SLC29A1: variants seen among roughly 807,000 people sequenced by gnomAD.
SLC29A1 encodes the protein equilibrative nucleoside transporter 1.
Under a neutral mutation model 48.3 loss-of-function variants are expected in SLC29A1, and 22 were observed. That is an observed-to-expected ratio of 0.46 (90% confidence interval 0.33 to 0.65). The LOEUF is 0.65. SLC29A1 is among the 30% of genes least tolerant of loss of function. The probability of loss-of-function intolerance (pLI) is 0.03; values close to 1 mark genes in which losing one functional copy is unlikely to be tolerated. For missense variants in SLC29A1, 491 were observed against 575.3 expected, an observed-to-expected ratio of 0.85 and a Z score of 1.50; for synonymous variants, 228 against 231.0, an observed-to-expected ratio of 0.99 and a Z score of 0.12.
intron 1 of SLC29A1, chr6:44,225,720 T>TGGGGCTGA (rs1273157332): frequency 6.6e-6 from 1 of 152,090 alleles, no homozygotes; most frequent in East Asian, 1.9e-4. Context: ...TCTGGAGGTG[T>TGGGGCTGA]GGGGCTGAGG....
intron 1 of SLC29A1, among the ~76,000 whole-genome samples, chr6:44,224,214 G>A (rs1776984456): frequency 6.6e-6 from 1 of 151,990 alleles, no homozygotes; most frequent in African/African-American, 2.4e-5. Flanking sequence ...CCAGGAGAGA[G>A]CAGTCGTAGG....
At position 44,232,534 on chromosome 6, in the gene SLC29A1, A is replaced by T; in HGVS notation, c.1059+106A>T. On this transcript the variant is annotated intron_variant, in intron 11 of 12. Transcript: ENST00000371755. This position sits in a 1 kb window ranked among gnomAD's most constrained non-coding sequence, Gnocchi z 4.7. ...TGGTAGTAAGGGGACCATTTGTTTTAAAGTCGAGGCATAATTTATGTATAG... is the reference window on the plus strand; with the variant it reads ...TGGTAGTAAGGGGACCATTTGTTTTTAAGTCGAGGCATAATTTATGTATAG... 1 of 775,178 alleles carries T rather than the reference A, an allele frequency of 1.3e-6. No homozygotes were observed. The allele number at this position is 775,178 out of a possible 1,614,324, so 48.0% of individuals were successfully genotyped here. A position where few individuals can be genotyped will look rare whatever the true frequency, so the allele number is the denominator to read the frequency against.
chr6:44,229,347 A>G lies in SLC29A1; in HGVS notation c.30-43A>G, dbSNP rs371781310. On this transcript the variant is annotated intron_variant, in intron 2 of 12. Coordinates refer to ENST00000371755, the MANE Select transcript of SLC29A1 (RefSeq NM_001372327.1). This position sits in a 1 kb window ranked among gnomAD's most constrained non-coding sequence, Gnocchi z 5.1. Reference sequence around the variant, plus strand: ...CCTGGGGCTCATTGTGGAGTGGGGCAGGATGGTGCGTCATTTGGCCCATCT... The same window carrying G: ...CCTGGGGCTCATTGTGGAGTGGGGCGGGATGGTGCGTCATTTGGCCCATCT... 8.4e-5 allele frequency: 123 copies of G among 1,460,238 alleles called. No individual in the cohort carries two copies. The highest frequency in any genetic ancestry group is 3.4e-4 in the Middle Eastern group (2 of 5,824). The allele number at this position is 1,460,238 out of a possible 1,614,324, so 90.5% of individuals were successfully genotyped here. A position where few individuals can be genotyped will look rare whatever the true frequency, so the allele number is the denominator to read the frequency against.
At chr6:44,222,159 G>A (rs538204565), upstream of SLC29A1, among the ~76,000 whole-genome samples, 11 of 151,134 alleles carry the variant, frequency 7.3e-5, no homozygotes, top group South Asian at 2.3e-3. Context: ...GGGGGTTGTG[G>A]ACAGACATGA....
chr6:44,231,034 G>A, intron 8 of SLC29A1, 145 bp downstream of exon 8: 2 of 703,828 alleles, frequency 2.8e-6, no homozygotes, highest in Non-Finnish European at 2.5e-6. Flanking sequence ...GGGAGAGGGG[G>A]ACAATAGGAA....
chr6:44,223,101 G>T (rs968146518), upstream of SLC29A1, among the ~76,000 whole-genome samples: 1 of 152,110 alleles, frequency 6.6e-6, no homozygotes, highest in Non-Finnish European at 1.5e-5. The surrounding 1 kb of genome is among the most constrained non-coding windows in gnomAD (Gnocchi z 5.0). Flanking sequence ...AGAGGAGGGG[G>T]ACTGAAAGAA....
In SLC29A1 at chr6:44,232,205, C is replaced by T. The variant is rs1779051310; in HGVS notation, c.973+99C>T. The T allele has an allele frequency of 3.4e-6, 4 of 1,165,874 alleles. No homozygotes were observed. The highest frequency in any genetic ancestry group is 1.5e-5 in the African/African-American group (1 of 66,196). 72.2% of individuals were successfully genotyped at this position (1,165,874 alleles called of 1,614,324 possible). Reference sequence around the variant, plus strand: ...AGCCTGGGTCACCTTCTCCCCGTTTCCTGGGTCCATTTGCCCTTCCCTGGG... The same window carrying T: ...AGCCTGGGTCACCTTCTCCCCGTTTTCTGGGTCCATTTGCCCTTCCCTGGG... On this transcript the variant is annotated intron_variant, in intron 10 of 12. Transcript: ENST00000371755. The surrounding 1 kb of genome is among the most constrained non-coding windows in gnomAD (Gnocchi z 4.7).
upstream of SLC29A1, chr6:44,219,701 G>A (rs937607597): frequency 6.2e-6 from 8 of 1,288,634 alleles, no homozygotes; most frequent in Non-Finnish European, 7.1e-6. Context: ...CCCGAGATGA[G>A]GAGGGAGAGA....
chr6:44,229,826 A>C lies in SLC29A1; in HGVS notation c.314+35A>C. On this transcript the variant is annotated intron_variant, in intron 4 of 12. Coordinates refer to ENST00000371755, the MANE Select transcript of SLC29A1 (RefSeq NM_001372327.1). The surrounding 1 kb of genome is among the most constrained non-coding windows in gnomAD (Gnocchi z 5.1). Reference sequence around the variant, plus strand: ...CACCCCCTCCCCAGCCCCCAGCCTGACCCTCACTGTGTCCTGCACCCCCTT... The same window carrying C: ...CACCCCCTCCCCAGCCCCCAGCCTGCCCCTCACTGTGTCCTGCACCCCCTT... 3.2e-6 allele frequency: 5 copies of C among 1,564,584 alleles called. No individual in the cohort carries two copies. Among genetic ancestry groups the C allele is most frequent in the Non-Finnish European group, 4.4e-6 (5 of 1,138,006 alleles).
Position 44,231,363 on chromosome 6 carries a change from G to A in SLC29A1, c.767-1G>A, listed in dbSNP as rs1219938815. 1 of 1,588,950 alleles carries A rather than the reference G, an allele frequency of 6.3e-7. No individual in the cohort carries two copies. The highest frequency in any genetic ancestry group is 2.3e-5 in the East Asian group (1 of 44,376). ...ACTTGGAGATTTCTTCCATCCCGCA[G>A]GAGAGGAGCCAAGAGCAGGCAAAGA... On this transcript the variant is annotated splice_acceptor_variant, in intron 8 of 12. Coordinates refer to ENST00000371755, the MANE Select transcript of SLC29A1 (RefSeq NM_001372327.1). LOFTEE classifies it high-confidence loss of function.
In SLC29A1 at chr6:44,233,515, G is replaced by A. The variant is rs370351994; in HGVS notation, c.1358G>A (p.Arg453Gln). ...GGGGCTGTTTTCTCCTTCCTGTTCCGGGCAATTGTGTGACAAAGGATGGAC... is the reference window on the plus strand; with the variant it reads ...GGGGCTGTTTTCTCCTTCCTGTTCCAGGCAATTGTGTGACAAAGGATGGAC... ...ALGAVFSFLF[R>Q]AIV The change falls in exon 13 of 13, where the codon CGG becomes CAG. Residue 453 changes from arginine (R) to glutamine (Q), a missense_variant. Arg to Gln is a conservative substitution (Grantham distance 43, BLOSUM62 1). Coordinates refer to ENST00000371755, the MANE Select transcript of SLC29A1 (RefSeq NM_001372327.1). 4.3e-6 allele frequency: 7 copies of A among 1,613,618 alleles called. No homozygotes were observed. Among genetic ancestry groups the A allele is most frequent in the Non-Finnish European group, 5.9e-6 (7 of 1,179,544 alleles).
intron 1 of SLC29A1, among the ~76,000 whole-genome samples, chr6:44,224,141 A>T (rs1319165337): frequency 6.6e-6 from 1 of 151,934 alleles, no homozygotes; most frequent in African/African-American, 2.4e-5. Flanking sequence ...GCACGTCTTC[A>T]TTTACTGATT....
chr6:44,232,360 G>T lies in SLC29A1; in HGVS notation c.991G>T (p.Val331Leu), dbSNP rs745723149. ...SSTWERYFIP[V>L]SCFLTFNIFD... is the part of the protein sequence containing the mutation. Reference sequence around the variant, plus strand: ...TCTTCCAGAACGTTACTTCATTCCTGTGTCCTGTTTCTTGACTTTCAATAT... The same window carrying T: ...TCTTCCAGAACGTTACTTCATTCCTTTGTCCTGTTTCTTGACTTTCAATAT... Residue 331 changes from valine to leucine, a missense_variant, in exon 11 of 13, where the codon GTG becomes TTG. By Grantham distance (32) the Val-to-Leu change is conservative. Coordinates refer to ENST00000371755, the MANE Select transcript of SLC29A1 (RefSeq NM_001372327.1). This position sits in a 1 kb window ranked among gnomAD's most constrained non-coding sequence, Gnocchi z 4.7. The T allele has an allele frequency of 6.2e-7, 1 of 1,613,136 alleles. No homozygotes were observed. Among genetic ancestry groups the T allele is most frequent in the Non-Finnish European group, 8.5e-7 (1 of 1,179,124 alleles).
At chr6:44,219,671 G>A (rs967493301), upstream of SLC29A1, 3 of 1,281,898 alleles carry the variant, frequency 2.3e-6, no homozygotes, top group Non-Finnish European at 3.1e-6. Flanking sequence ...GCGCTCTCCA[G>A]CTGTGGCTAT....
Position 44,223,607 on chromosome 6 carries a change from C to T in SLC29A1, c.-86C>T. ...AGAGGGAAGCTGCAGCGAGAGCGCG[C>T]GGATCTCAGCGCGGGAGCAGTGCTT... On this transcript the variant is annotated 5_prime_UTR_variant, in exon 1 of 13. Transcript: ENST00000371755. The surrounding 1 kb of genome is among the most constrained non-coding windows in gnomAD (Gnocchi z 5.0). 1 of 1,215,010 alleles carries T rather than the reference C, an allele frequency of 8.2e-7. No homozygotes were observed. The highest frequency in any genetic ancestry group is 1.6e-5 in the African/African-American group (1 of 61,310). 75.3% of individuals were successfully genotyped at this position (1,215,010 alleles called of 1,614,324 possible).
rs372095237 is a variant in SLC29A1 at position 44,229,512 on chromosome 6, T to A, written c.111+41T>A. ...CTGGGCTCCATGGGGCAGTGCCCAC[T>A]GTGCTTGCAGGATCTGACTCTGTGC... On this transcript the variant is annotated intron_variant, in intron 3 of 12. Transcript: ENST00000371755. This position sits in a 1 kb window ranked among gnomAD's most constrained non-coding sequence, Gnocchi z 5.1. 2.5e-5 allele frequency: 40 copies of A among 1,609,782 alleles called. No individual in the cohort carries two copies. Among genetic ancestry groups the A allele is most frequent in the Non-Finnish European group, 3.4e-5 (40 of 1,176,172 alleles).
At chr6:44,220,124 ACTGTGAACACAC>A (rs761660435), upstream of SLC29A1, among the ~76,000 whole-genome samples, 10 of 152,094 alleles carry the variant, frequency 6.6e-5, no homozygotes, top group Non-Finnish European at 1.2e-4. Context: ...CAGTACCCAC[ACTGTGAACACAC>A]CTGTCTTTAC....
chr6:44,230,209 C>A, intron 5 of SLC29A1, 138 bp from the exon 6 acceptor site: 1 of 1,475,698 alleles, frequency 6.8e-7, no homozygotes, highest in Non-Finnish European at 9.3e-7. Context: ...TGGACCAGGG[C>A]TGGGAGGGGG....
At position 44,232,184 on chromosome 6, in the gene SLC29A1, T is replaced by C. The variant is rs185164299; in HGVS notation, c.973+78T>C. The C allele has an allele frequency of 4.9e-5, 61 of 1,245,712 alleles. No individual in the cohort carries two copies. The Admixed American group carries it at 6.5e-4, about 13-fold the overall frequency. 77.2% of individuals were successfully genotyped at this position (1,245,712 alleles called of 1,614,324 possible). Reference sequence around the variant, plus strand: ...CTGGAAGTGGGGAAGGGAGGGAGCCTGGGTCACCTTCTCCCCGTTTCCTGG... The same window carrying C: ...CTGGAAGTGGGGAAGGGAGGGAGCCCGGGTCACCTTCTCCCCGTTTCCTGG... On this transcript the variant is annotated intron_variant, in intron 10 of 12. Transcript: ENST00000371755. The surrounding 1 kb of genome is among the most constrained non-coding windows in gnomAD (Gnocchi z 4.7).
Sources: allele counts gnomAD v4.1 joint callset (sites outside exome capture counted in the v4.1 genomes callset), GRCh38; gene constraint gnomAD v4.1.1; non-coding constraint Gnocchi (gnomAD v3.1); transcripts MANE v1.5; gene names NCBI Gene and HGNC (gene_info 2026-07-23, HGNC 2026-07-21).